Variants in MACF1 observed in about 807,000 individuals in gnomAD.
MACF1 encodes microtubule actin crosslinking factor 1.
MACF1 carries 193 observed loss-of-function variants against 854.8 expected under a neutral mutation model. The observed-to-expected ratio is 0.23, with a 90% CI of 0.20 to 0.25. The LOEUF (loss-of-function observed/expected upper bound fraction) is 0.25. Among genes scored for constraint, MACF1 ranks in the 10% least tolerant of loss-of-function variants. The pLI, the probability that MACF1 is intolerant of heterozygous loss-of-function variation, is 1.00. For missense variants in MACF1, 7,722 were observed against 8,929.1 expected, an observed-to-expected ratio of 0.86 and a Z score of 5.45; for synonymous variants, 3,185 against 3,226.7, an observed-to-expected ratio of 0.99 and a Z score of 0.44.
chr1:39,190,292 T>G (rs981313246), intron 2 of MACF1, among the ~76,000 whole-genome samples: 3 of 151,814 alleles, frequency 2.0e-5, no homozygotes, highest in Non-Finnish European at 2.9e-5. Flanking sequence ...CTTTCTTTCT[T>G]TTTTCCTCCC....
At chr1:39,470,603 G>T (rs1270483195) in intron 97 of MACF1, among the ~76,000 whole-genome samples, 1 of 152,210 alleles carries the variant, frequency 6.6e-6, no homozygotes, top group East Asian at 1.9e-4. Context: ...CCATGATCAT[G>T]CCACTGCACT....
At chr1:39,412,698 G>A in intron 58 of MACF1, 1 of 1,613,998 alleles carries the variant, frequency 6.2e-7, no homozygotes, top group Non-Finnish European at 8.5e-7. Flanking sequence ...TTTTTCCAGA[G>A]AAACAAGTTA....
chr1:39,180,633 G>T (rs1436242904), intron 2 of MACF1, among the ~76,000 whole-genome samples: 1 of 152,122 alleles, frequency 6.6e-6, no homozygotes, highest in African/African-American at 2.4e-5. Context: ...CACACACAAA[G>T]AAGATGTACT....
chr1:39,361,838 C>A (rs1025554746), intron 49 of MACF1, among the ~76,000 whole-genome samples, 161 bp downstream of exon 49: 7 of 152,122 alleles, frequency 4.6e-5, no homozygotes, highest in African/African-American at 1.4e-4. Context: ...TATCATTTGT[C>A]CATTTTTTAA....
intron 6 of MACF1, among the ~76,000 whole-genome samples, chr1:39,264,819 G>A (rs1183992041): frequency 3.3e-5 from 5 of 151,618 alleles, no homozygotes; most frequent in Non-Finnish European, 5.9e-5. Context: ...GACTACAGGC[G>A]CCCGCCACCG....
At chr1:39,472,688 A>G (rs1644800774) in intron 97 of MACF1, among the ~76,000 whole-genome samples, 1 of 152,220 alleles carries the variant, frequency 6.6e-6, no homozygotes, top group South Asian at 2.1e-4. Flanking sequence ...CTTGGGATAA[A>G]TTAATTATTC....
At chr1:39,478,849 G>A (rs1218595182) in intron 97 of MACF1, among the ~76,000 whole-genome samples, 1 of 152,202 alleles carries the variant, frequency 6.6e-6, no homozygotes, top group Non-Finnish European at 1.5e-5. Flanking sequence ...TTGTTTAGCT[G>A]TGTCTAGTAC....
At chr1:39,439,920 A>G (rs1396580426) in intron 72 of MACF1, among the ~76,000 whole-genome samples, 1 of 151,610 alleles carries the variant, frequency 6.6e-6, no homozygotes, top group East Asian at 2.0e-4. Flanking sequence ...GTTTCTTTTT[A>G]AGTGAGACAT....
chr1:39,368,736 A>G (rs954724271), intron 50 of MACF1, among the ~76,000 whole-genome samples: 4 of 152,120 alleles, frequency 2.6e-5, no homozygotes, highest in Non-Finnish European at 5.9e-5. Context: ...TCCTGACCTC[A>G]GGTGATCGAC....
chr1:39,151,730 AT>A (rs1557484512), intron 2 of MACF1, among the ~76,000 whole-genome samples: 1 of 151,974 alleles, frequency 6.6e-6, no homozygotes, highest in African/African-American at 2.4e-5. Flanking sequence ...GTATATCTTT[AT>A]CTGCATTAGT....
intron 6 of MACF1, among the ~76,000 whole-genome samples, chr1:39,274,219 TAA>T (rs1204274072): frequency 6.6e-6 from 1 of 151,444 alleles, no homozygotes; most frequent in Non-Finnish European, 1.5e-5. Flanking sequence ...AAAAATTGTA[TAA>T]AAATAAAATG....
At chr1:39,095,241 T>C (rs1381938791) in intron 2 of MACF1, among the ~76,000 whole-genome samples, 1 of 152,024 alleles carries the variant, frequency 6.6e-6, no homozygotes, top group Non-Finnish European at 1.5e-5. Flanking sequence ...ACTCCTGAAA[T>C]AGGGGTCTCA....
chr1:39,158,775 T>C (rs1012571001), intron 2 of MACF1, among the ~76,000 whole-genome samples: 1 of 152,124 alleles, frequency 6.6e-6, no homozygotes, highest in Non-Finnish European at 1.5e-5. Context: ...CTGGAACAAA[T>C]GAGGGCGCTC....
Position 39,338,495 on chromosome 1 carries a change from C to T in MACF1, c.10215+1164C>T, listed in dbSNP as rs185892605. 4.1e-4 allele frequency among the ~76,000 whole-genome samples: 62 copies of T among 152,210 alleles called. No individual in the cohort carries two copies. In the East Asian group the frequency reaches 5.2e-3, roughly 13 times the overall value. On this transcript the variant is annotated intron_variant, in intron 38 of 100. Coordinates refer to ENST00000564288, the MANE Select transcript of MACF1 (RefSeq NM_001394062.1). ...AAAGAGATGAAAATGGATATGCAAA[C>T]GGGCTTATAATTGGTTTAAAGTCTG...
chr1:39,264,880 T>TAGCC (rs1357981066), intron 6 of MACF1, among the ~76,000 whole-genome samples: 2 of 151,540 alleles, frequency 1.3e-5, no homozygotes, highest in Non-Finnish European at 1.5e-5. Context: ...TTCACCTTGT[T>TAGCC]AGCCAGGATG....
chr1:39,301,981 C>CTATTTATTTATTTATTTATT (rs139531559), intron 22 of MACF1, among the ~76,000 whole-genome samples: 2,997 of 150,978 alleles, frequency 0.02, 35 homozygotes, highest in South Asian at 0.025. Flanking sequence ...ACCACTGTAC[C>CTATTTATTTATTTATTTATT]TATTTATTTA....
intron 2 of MACF1, among the ~76,000 whole-genome samples, chr1:39,161,404 T>C (rs571691881): frequency 4.3e-4 from 65 of 152,152 alleles, no homozygotes; most frequent in Non-Finnish European, 8.1e-4. Context: ...TAACTGACTT[T>C]TAAAACAGAA....
intron 2 of MACF1, among the ~76,000 whole-genome samples, chr1:39,116,403 T>TGTGTGTGC (rs1642546231): frequency 6.6e-6 from 1 of 151,320 alleles, no homozygotes; most frequent in African/African-American, 2.4e-5. Flanking sequence ...TGTGTGTGTG[T>TGTGTGTGC]GCACGTGTGT....
At chr1:39,161,557 CA>C (rs904603465) in intron 2 of MACF1, among the ~76,000 whole-genome samples, 1 of 151,788 alleles carries the variant, frequency 6.6e-6, no homozygotes, top group African/African-American at 2.4e-5. Flanking sequence ...AGCAAACAAA[CA>C]AAAAAACAAT....
Sources: allele counts gnomAD v4.1 joint callset (sites outside exome capture counted in the v4.1 genomes callset), GRCh38; gene constraint gnomAD v4.1.1; transcripts MANE v1.5; gene names NCBI Gene and HGNC (gene_info 2026-07-23, HGNC 2026-07-21).